The following SORCS1 variants were observed in gnomAD, a reference collection of about 807,000 sequenced individuals.
The protein encoded by SORCS1 is sortilin related VPS10 domain containing receptor 1.
A neutral mutation model predicts 146.1 loss-of-function variants in SORCS1; 60 were observed. The ratio of observed to expected loss-of-function variants is 0.41; its 90% confidence interval spans 0.33 to 0.51. The LOEUF (loss-of-function observed/expected upper bound fraction) is 0.51, where lower values mean the gene tolerates loss of function less well. Ranked by LOEUF, SORCS1 falls within the 20% of genes least tolerant of loss-of-function variation. SORCS1 has a pLI of 0.21. For synonymous variants in SORCS1, 637 were observed against 584.0 expected, an observed-to-expected ratio of 1.09 and a Z score of -1.31; for missense variants, 1,352 against 1,487.6, an observed-to-expected ratio of 0.91 and a Z score of 1.50.
At chr10:106,715,056 C>T (rs1054675837) in intron 6 of SORCS1, among the ~76,000 whole-genome samples, 6 of 152,142 alleles carry the variant, frequency 3.9e-5, no homozygotes, top group African/African-American at 1.4e-4. Flanking sequence ...CTGGTTTGTT[C>T]CCTTTCTCCT....
Position 107,024,657 on chromosome 10 carries a change from T to A in SORCS1, c.559-68077A>T, listed in dbSNP as rs563545485. On this transcript the variant is annotated intron_variant, in intron 1 of 25. Coordinates refer to ENST00000263054, the MANE Select transcript of SORCS1 (RefSeq NM_052918.5). ...GGTAGTAGCATAATGAGCACAAAAG[T>A]ACCTATCACCCAGTTTCAACAAGTA... Among the ~76,000 whole-genome samples the A allele has an allele frequency of 2.6e-5, 4 of 152,290 alleles. No homozygotes were observed. In the South Asian group the frequency reaches 8.3e-4, roughly 32 times the overall value.
At chr10:106,776,416 T>C in intron 4 of SORCS1, 118 bp downstream of exon 4, 2 of 1,295,550 alleles carry the variant, frequency 1.5e-6, no homozygotes, top group Non-Finnish European at 2.2e-6. Flanking sequence ...AGCACAGAGG[T>C]CAGGCTACTG....
At chr10:106,934,380 CCTG>C (rs1953586221) in intron 2 of SORCS1, among the ~76,000 whole-genome samples, 1 of 151,640 alleles carries the variant, frequency 6.6e-6, no homozygotes, top group Admixed American at 6.6e-5. Flanking sequence ...GCCTCAGCCT[CCTG>C]TGTAGTTGGG....
chr10:106,707,160 TTCAA>T (rs1197397581), intron 7 of SORCS1, among the ~76,000 whole-genome samples: 1 of 151,284 alleles, frequency 6.6e-6, no homozygotes, highest in African/African-American at 2.4e-5. Flanking sequence ...GGTGTCCAAA[TTCAA>T]TCTAGGTCTC....
At chr10:106,886,465 T>A (rs1026785738) in intron 2 of SORCS1, among the ~76,000 whole-genome samples, 3 of 152,040 alleles carry the variant, frequency 2.0e-5, no homozygotes, top group African/African-American at 4.8e-5. Context: ...ACACACACAC[T>A]CTCTGTTATC....
chr10:107,043,444 T>G (rs900029198), intron 1 of SORCS1, among the ~76,000 whole-genome samples: 1 of 152,184 alleles, frequency 6.6e-6, no homozygotes, highest in Non-Finnish European at 1.5e-5. Context: ...TTTGTGGAGA[T>G]ATAAGGGAAA....
intron 4 of SORCS1, among the ~76,000 whole-genome samples, chr10:106,762,538 G>A (rs1180174328): frequency 2.0e-5 from 3 of 151,272 alleles, no homozygotes; most frequent in African/African-American, 4.8e-5. Flanking sequence ...GACTACAGGT[G>A]CCTGCCACCA....
intron 1 of SORCS1, 77 bp from the exon 2 acceptor site, chr10:106,956,657 C>T (rs1383948472): frequency 8.5e-7 from 1 of 1,172,498 alleles, no homozygotes; most frequent in Admixed American, 2.0e-5. Flanking sequence ...CAAGGGAGGG[C>T]TTAGGATTCC....
intron 1 of SORCS1, among the ~76,000 whole-genome samples, chr10:107,083,397 C>A (rs1448779131): frequency 1.3e-5 from 2 of 152,010 alleles, no homozygotes; most frequent in Non-Finnish European, 2.9e-5. Context: ...TTTTTCCATT[C>A]GATTTTCAAA....
intron 2 of SORCS1, among the ~76,000 whole-genome samples, chr10:106,844,164 A>T (rs1589532816): frequency 6.6e-6 from 1 of 152,078 alleles, no homozygotes; most frequent in Admixed American, 6.5e-5. Flanking sequence ...TTCATATACT[A>T]TTGGCTTTTT....
At chr10:106,577,664 C>G in intron 25 of SORCS1, 109 bp from the exon 26 acceptor site, 2 of 1,523,614 alleles carry the variant, frequency 1.3e-6, no homozygotes, top group Non-Finnish European at 1.8e-6. Context: ...GGAATTACTA[C>G]TTTAATAAAG....
chr10:106,870,689 G>A (rs1229105550), intron 2 of SORCS1, among the ~76,000 whole-genome samples: 3 of 152,094 alleles, frequency 2.0e-5, no homozygotes, highest in Non-Finnish European at 4.4e-5. Context: ...AAATCAACTC[G>A]AGATGGATTA....
At chr10:106,796,745 C>G (rs1484693676) in intron 3 of SORCS1, among the ~76,000 whole-genome samples, 4 of 152,144 alleles carry the variant, frequency 2.6e-5, no homozygotes, top group African/African-American at 9.7e-5. Context: ...GGATCCTAAC[C>G]AAATTTAATT....
At chr10:106,612,846 C>G (rs868007085) in intron 21 of SORCS1, among the ~76,000 whole-genome samples, 1 of 152,074 alleles carries the variant, frequency 6.6e-6, no homozygotes, top group Non-Finnish European at 1.5e-5. Flanking sequence ...CTGGAGCAAC[C>G]TGAATGCATG....
chr10:106,980,412 A>G (rs148946908), intron 1 of SORCS1, among the ~76,000 whole-genome samples: 6 of 152,380 alleles, frequency 3.9e-5, no homozygotes, highest in African/African-American at 1.4e-4. Context: ...GGAGAACAAT[A>G]GTAGGTAGAA....
chr10:106,969,107 C>T (rs909069449), intron 1 of SORCS1, among the ~76,000 whole-genome samples: 1 of 152,234 alleles, frequency 6.6e-6, no homozygotes, highest in East Asian at 1.9e-4. Context: ...TAATAAAGAA[C>T]AAGACTTTCT....
intron 1 of SORCS1, among the ~76,000 whole-genome samples, chr10:106,988,576 C>T (rs1956597527): frequency 2.0e-5 from 3 of 151,982 alleles, no homozygotes; most frequent in Non-Finnish European, 2.9e-5. Flanking sequence ...AAGAAGGTCA[C>T]CTTTTAAGGC....
intron 2 of SORCS1, among the ~76,000 whole-genome samples, chr10:106,954,744 T>A (rs1478857170): frequency 6.6e-6 from 1 of 151,866 alleles, no homozygotes; most frequent in Non-Finnish European, 1.5e-5. Context: ...ACCCAATATG[T>A]TTTTCTCTTT....
chr10:106,952,985 A>ATAC (rs201605989), intron 2 of SORCS1, among the ~76,000 whole-genome samples: 1 of 151,868 alleles, frequency 6.6e-6, no homozygotes, highest in Non-Finnish European at 1.5e-5. Context: ...TCTGTCTCAA[A>ATAC]TACTACTACT....
Sources: gnomAD v4.1 joint callset for allele counts (sites outside exome capture counted in the v4.1 genomes callset) on GRCh38, gnomAD v4.1.1 for gene constraint, MANE v1.5 for transcripts, NCBI Gene and HGNC (gene_info 2026-07-23, HGNC 2026-07-21) for gene names.